Variants in GSE1 observed in about 807,000 individuals in gnomAD.
GSE1 encodes the protein genetic suppressor element 1.
In GSE1, 32 loss-of-function variants were observed where a neutral mutation model predicts 112.6. That is an observed-to-expected ratio of 0.28 (90% CI 0.21 to 0.38). GSE1 has a LOEUF of 0.38. Among genes scored for constraint, GSE1 ranks in the 10% least tolerant of loss-of-function variants. The pLI is 1.00. For synonymous variants in GSE1, 1,115 were observed against 735.6 expected (o/e 1.52, Z -8.35); for missense variants, 2,348 against 1,699.2 (o/e 1.38, Z -6.71).
chr16:85,610,385 G>C, upstream of GSE1, among the ~76,000 whole-genome samples: 1 of 152,216 alleles, frequency 6.6e-6, no homozygotes, highest in East Asian at 1.9e-4. Context: ...GGGGCTGTGG[G>C]TAGGGCGCTG....
At chr16:85,533,391 G>C (rs1265359992) in intron 2 of GSE1, among the ~76,000 whole-genome samples, 1 of 152,138 alleles carries the variant, frequency 6.6e-6, no homozygotes, top group East Asian at 1.9e-4. Context: ...TTGCACTCCA[G>C]CCTGGGCGAC....
chr16:85,348,851 T>C (rs554069833), intron 1 of GSE1, among the ~76,000 whole-genome samples: 3 of 152,168 alleles, frequency 2.0e-5, no homozygotes, highest in East Asian at 3.9e-4. Context: ...ATGTGTCTAA[T>C]TGAGCTTCTG....
intron 2 of GSE1, among the ~76,000 whole-genome samples, chr16:85,444,371 G>T (rs910662686): frequency 1.3e-5 from 2 of 152,192 alleles, no homozygotes; most frequent in Non-Finnish European, 2.9e-5. Flanking sequence ...GCTTTGTCCA[G>T]GGAGGCGAGA....
At chr16:85,434,342 A>G (rs74034722) in intron 2 of GSE1, among the ~76,000 whole-genome samples, 42 of 126,156 alleles carry the variant, frequency 3.3e-4, no homozygotes, top group East Asian at 2.1e-4. Flanking sequence ...TAATAATAAT[A>G]ATAATCAGTG....
At chr16:85,590,669 T>C (rs2046965662) in intron 1 of GSE1, among the ~76,000 whole-genome samples, 1 of 152,104 alleles carries the variant, frequency 6.6e-6, no homozygotes, top group South Asian at 2.1e-4. Flanking sequence ...GCATGTGTGA[T>C]ATGTGAATGT....
intron 1 of GSE1, among the ~76,000 whole-genome samples, chr16:85,624,726 G>A (rs561387224): frequency 7.9e-5 from 12 of 152,344 alleles, no homozygotes; most frequent in African/African-American, 2.9e-4. Flanking sequence ...ATCCCACTGT[G>A]TGGAATAAAC....
rs559050666 is a variant in GSE1, at chr16:85,656,817, G to A, written c.1312+152G>A. The A allele has an allele frequency of 8.1e-6, 9 of 1,105,416 alleles. No individual in the cohort carries two copies. The African/African-American group carries it at 1.4e-4, about 17-fold the overall frequency. The allele number at this position is 1,105,416 out of a possible 1,614,324, so 68.5% of individuals were successfully genotyped here. A position where few individuals can be genotyped will look rare whatever the true frequency, so the allele number is the denominator to read the frequency against. On this transcript the variant is annotated intron_variant, in intron 7 of 15. Transcript: ENST00000253458. Reference sequence around the variant, plus strand: ...GGTGTGGCTGAACATGGAGTAGGGAGCAGAGGCACGTTGGCACACGATGTA... The same window carrying A: ...GGTGTGGCTGAACATGGAGTAGGGAACAGAGGCACGTTGGCACACGATGTA...
At chr16:85,255,090 G>GGCA (rs1198276819) in intron 1 of GSE1, among the ~76,000 whole-genome samples, 1 of 152,174 alleles carries the variant, frequency 6.6e-6, no homozygotes, top group Non-Finnish European at 1.5e-5. Flanking sequence ...AGAGGGAGGC[G>GGCA]GCGGCGGCGG....
intron 2 of GSE1, among the ~76,000 whole-genome samples, chr16:85,534,128 C>CTTTT (rs71151302): frequency 1.3e-5 from 2 of 148,754 alleles, no homozygotes; most frequent in Non-Finnish European, 3.0e-5. Context: ...TTTCTTCTTC[C>CTTTT]TTTTTTTTTT....
chr16:85,381,681 T>C (rs2047547971), intron 2 of GSE1, among the ~76,000 whole-genome samples: 1 of 152,246 alleles, frequency 6.6e-6, no homozygotes, highest in Admixed American at 6.5e-5. Context: ...CTTTCACTAG[T>C]CAGTGTAGTA....
At chr16:85,540,888 T>C (rs547682472) in intron 2 of GSE1, among the ~76,000 whole-genome samples, 2 of 152,098 alleles carry the variant, frequency 1.3e-5, no homozygotes, top group African/African-American at 2.4e-5. Context: ...GCCTGAGCAA[T>C]AGAGTGAGAC....
chr16:85,378,988 T>C (rs912482484), intron 2 of GSE1, among the ~76,000 whole-genome samples: 12 of 152,090 alleles, frequency 7.9e-5, no homozygotes, highest in African/African-American at 2.9e-4. Context: ...TGGCTCTGGG[T>C]CTCACTGGCC....
intron 2 of GSE1, among the ~76,000 whole-genome samples, chr16:85,361,731 G>A (rs545078644): frequency 2.0e-5 from 3 of 152,226 alleles, no homozygotes; most frequent in Non-Finnish European, 2.9e-5. Context: ...GTGCCGACCT[G>A]GGCCCTGGGC....
intron 1 of GSE1, among the ~76,000 whole-genome samples, chr16:85,243,528 C>T (rs1373428121): frequency 1.3e-5 from 2 of 152,236 alleles, no homozygotes; most frequent in African/African-American, 2.4e-5. Context: ...GAGCCTTGCA[C>T]ATGCCCTCCT....
intron 1 of GSE1, among the ~76,000 whole-genome samples, chr16:85,177,379 C>T (rs537107852): frequency 2.6e-5 from 4 of 152,354 alleles, no homozygotes; most frequent in East Asian, 3.9e-4. Context: ...TCAGGTCCCC[C>T]TTCTAGTGGG....
chr16:85,647,982 C>T (rs1345477615), intron 2 of GSE1, among the ~76,000 whole-genome samples: 2 of 151,894 alleles, frequency 1.3e-5, no homozygotes, highest in Non-Finnish European at 2.9e-5. Context: ...TTTCCTGTGA[C>T]CCCCCAAGCA....
intron 1 of GSE1, chr16:85,285,064 T>C (rs1345060533): frequency 6.6e-6 from 1 of 152,238 alleles, no homozygotes; most frequent in African/African-American, 2.4e-5. Flanking sequence ...ATTTGCATCG[T>C]TTCAAAGTAT....
At chr16:85,361,136 C>CT (rs1567711757) in intron 2 of GSE1, among the ~76,000 whole-genome samples, 4 of 122,428 alleles carry the variant, frequency 3.3e-5, no homozygotes, top group African/African-American at 1.2e-4. Context: ...CACAGACCCC[C>CT]CCCACACAAA....
In GSE1 at chr16:85,667,955, C is replaced by G. The variant is rs140194864; in HGVS notation, c.3131-185C>G. On this transcript the variant is annotated intron_variant, in intron 13 of 15. Coordinates refer to ENST00000253458, the MANE Select transcript of GSE1 (RefSeq NM_014615.5). Reference sequence around the variant, plus strand: ...GGGCTGCGTTGTCTCCTGGCTGTCTCGGACTTTCTCAAGTGGCCCAGAGGC... The same window carrying G: ...GGGCTGCGTTGTCTCCTGGCTGTCTGGGACTTTCTCAAGTGGCCCAGAGGC... 4.4e-3 allele frequency among the ~76,000 whole-genome samples: 327 copies of G among 74,088 alleles called. 1 individual carries two copies. The highest frequency in any genetic ancestry group is 7.1e-3 in the Non-Finnish European group (259 of 36,486). 48.6% of individuals were successfully genotyped at this position (74,088 alleles called of 152,430 possible).
Sources: allele counts gnomAD v4.1 joint callset (sites outside exome capture counted in the v4.1 genomes callset), GRCh38; gene constraint gnomAD v4.1.1; transcripts MANE v1.5; gene names NCBI Gene and HGNC (gene_info 2026-07-23, HGNC 2026-07-21).